The following CAMTA1 variants were observed in gnomAD, a reference collection of about 807,000 sequenced individuals.
The protein encoded by CAMTA1 is calmodulin binding transcription activator 1.
A neutral mutation model predicts 170.9 loss-of-function variants in CAMTA1; 27 were observed. The ratio of observed to expected loss-of-function variants is 0.16; its 90% confidence interval spans 0.12 to 0.22. The LOEUF (loss-of-function observed/expected upper bound fraction) is 0.22, where lower values mean the gene tolerates loss of function less well. CAMTA1 is among the 10% of genes least tolerant of loss of function. CAMTA1 has a pLI of 1.00. For synonymous variants in CAMTA1, 833 were observed against 891.5 expected, an observed-to-expected ratio of 0.93 and a Z score of 1.17; for missense variants, 1,619 against 2,217.2, an observed-to-expected ratio of 0.73 and a Z score of 5.42.
chr1:6,795,943 C>T (rs190958913), intron 1 of CAMTA1, among the ~76,000 whole-genome samples: 74 of 152,210 alleles, frequency 4.9e-4, no homozygotes, highest in African/African-American at 1.7e-3. Flanking sequence ...CTATAGTTCT[C>T]ATGCTGATTT....
chr1:7,389,856 G>A (rs2149122024), intron 5 of CAMTA1: 1 of 152,646 alleles, frequency 6.6e-6, no homozygotes, highest in Admixed American at 6.5e-5. Flanking sequence ...CCCAGACTAG[G>A]GTGGCCGGGG....
At chr1:7,371,948 G>A (rs2086505556) in intron 5 of CAMTA1, among the ~76,000 whole-genome samples, 1 of 152,258 alleles carries the variant, frequency 6.6e-6, no homozygotes, top group South Asian at 2.1e-4. Context: ...TCACACAACT[G>A]GCCAGTGGCT....
At chr1:6,862,614 CATT>C (rs1357925911) in intron 3 of CAMTA1, among the ~76,000 whole-genome samples, 3 of 152,114 alleles carry the variant, frequency 2.0e-5, no homozygotes, top group Non-Finnish European at 2.9e-5. Flanking sequence ...GTAGAAGGAA[CATT>C]TTTCCTTTTT....
chr1:6,852,305 A>G, intron 3 of CAMTA1, among the ~76,000 whole-genome samples: 1 of 152,090 alleles, frequency 6.6e-6, no homozygotes, highest in African/African-American at 2.4e-5. Flanking sequence ...TCTCATACCA[A>G]ATGTGTAGGG....
intron 3 of CAMTA1, among the ~76,000 whole-genome samples, chr1:6,987,087 G>A (rs753911608): frequency 2.6e-5 from 4 of 151,836 alleles, no homozygotes; most frequent in Non-Finnish European, 4.4e-5. Flanking sequence ...GAACCCAGGG[G>A]TTTTCAGTCC....
intron 3 of CAMTA1, among the ~76,000 whole-genome samples, chr1:7,056,401 T>C (rs903190390): frequency 1.3e-5 from 2 of 151,996 alleles, no homozygotes; most frequent in Non-Finnish European, 2.9e-5. Context: ...GCTCATGAGC[T>C]GACCCATCAG....
intron 3 of CAMTA1, among the ~76,000 whole-genome samples, chr1:7,034,337 A>G (rs1187542226): frequency 1.3e-5 from 2 of 152,028 alleles, no homozygotes; most frequent in Non-Finnish European, 2.9e-5. Context: ...TTGTATTTTT[A>G]GCAGAGGGGG....
intron 3 of CAMTA1, among the ~76,000 whole-genome samples, chr1:6,940,432 A>G (rs912694168): frequency 6.6e-6 from 1 of 152,076 alleles, no homozygotes; most frequent in African/African-American, 2.4e-5. Flanking sequence ...TGCCCCCCAC[A>G]CTGGGGAGGA....
intron 4 of CAMTA1, among the ~76,000 whole-genome samples, chr1:7,232,671 G>A (rs1238265490): frequency 3.3e-5 from 5 of 152,150 alleles, no homozygotes; most frequent in East Asian, 3.9e-4. Flanking sequence ...TGCACAGACC[G>A]GTGTTTGCAG....
intron 4 of CAMTA1, 137 bp downstream of exon 4, chr1:7,091,508 A>T: frequency 1.4e-6 from 1 of 693,548 alleles, no homozygotes. Context: ...TTCGACACTG[A>T]GGTCTCATTC....
At chr1:7,450,589 G>C (rs144631677) in intron 5 of CAMTA1, among the ~76,000 whole-genome samples, 1,662 of 152,344 alleles carry the variant, frequency 0.011, 32 homozygotes, top group African/African-American at 0.038. Flanking sequence ...CCGCCTGCCC[G>C]CTCTGCCTGC....
At chr1:7,348,706 A>AG (rs2084412359) in intron 5 of CAMTA1, among the ~76,000 whole-genome samples, 1 of 152,228 alleles carries the variant, frequency 6.6e-6, no homozygotes, top group African/African-American at 2.4e-5. Context: ...AAGCAGCCAC[A>AG]GGGGGTGTTC....
intron 6 of CAMTA1, among the ~76,000 whole-genome samples, chr1:7,469,217 G>A (rs542541932): frequency 1.3e-5 from 2 of 152,170 alleles, no homozygotes; most frequent in East Asian, 3.9e-4. Flanking sequence ...GGAGGCTGAC[G>A]TGCTAGCACC....
At chr1:7,391,328 A>AGTGTGTGTGT (rs35663101) in intron 5 of CAMTA1, among the ~76,000 whole-genome samples, 1,671 of 146,996 alleles carry the variant, frequency 0.011, 14 homozygotes, top group Middle Eastern at 0.025. Flanking sequence ...CCCTTTACAC[A>AGTGTGTGTGT]GTGTGTGTGT....
At position 7,767,918 on chromosome 1, in the gene CAMTA1, AT is replaced by A. The variant is rs1470845672; in HGVS notation, c.*1428del. ...TAACATTACTTAAAAAAAAAAGGAT[AT>A]GTTTACATTTAATTTTGGCTACCAG... On this transcript the variant is annotated 3_prime_UTR_variant, in exon 23 of 23. Transcript: ENST00000303635. 6.6e-6 allele frequency: 1 copy of A among 152,068 alleles called. No homozygotes were observed. The highest frequency in any genetic ancestry group is 2.4e-5 in the African/African-American group (1 of 41,280). 9.4% of individuals were successfully genotyped at this position (152,068 alleles called of 1,614,324 possible).
chr1:7,220,583 T>A (rs1324950036), intron 4 of CAMTA1, among the ~76,000 whole-genome samples: 1 of 152,114 alleles, frequency 6.6e-6, no homozygotes, highest in Non-Finnish European at 1.5e-5. Flanking sequence ...CTGTCTTCTC[T>A]TGTTCTCTGT....
chr1:7,060,065 C>G (rs1023017984), intron 3 of CAMTA1, among the ~76,000 whole-genome samples: 2 of 152,182 alleles, frequency 1.3e-5, no homozygotes, highest in African/African-American at 4.8e-5. Context: ...TGTGCATAAC[C>G]TACAGGCCTG....
At chr1:7,316,876 T>G (rs935176718) in intron 5 of CAMTA1, among the ~76,000 whole-genome samples, 2 of 152,054 alleles carry the variant, frequency 1.3e-5, no homozygotes, top group African/African-American at 2.4e-5. Context: ...TGAGTTAGGA[T>G]TCCCCCCATA....
At chr1:6,924,835 G>A (rs946572430) in intron 3 of CAMTA1, among the ~76,000 whole-genome samples, 2 of 152,158 alleles carry the variant, frequency 1.3e-5, no homozygotes, top group African/African-American at 4.8e-5. Context: ...CGTTGAGTAG[G>A]GCAGATAGGA....
Sources: allele counts gnomAD v4.1 joint callset (sites outside exome capture counted in the v4.1 genomes callset), GRCh38; gene constraint gnomAD v4.1.1; transcripts MANE v1.5; gene names NCBI Gene and HGNC (gene_info 2026-07-23, HGNC 2026-07-21).